The following DDX31 variants were observed in gnomAD, a reference collection of about 807,000 sequenced individuals.
DDX31 encodes the protein DEAD-box helicase 31, also known as ATP-dependent DNA helicase DDX31.
In DDX31, 70 loss-of-function variants were observed where a neutral mutation model predicts 91.3. The ratio of observed to expected loss-of-function variants is 0.77; its 90% CI spans 0.63 to 0.94. DDX31 has a LOEUF of 0.94. DDX31 is among the 40% of genes least tolerant of loss of function. The pLI, the probability that DDX31 is intolerant of heterozygous loss-of-function variation, is 0.00. For missense variants in DDX31, 902 were observed against 925.0 expected (o/e 0.98, Z 0.32); for synonymous variants, 362 against 350.6 (o/e 1.03, Z -0.36).
intron 19 of DDX31, among the ~76,000 whole-genome samples, chr9:132,608,073 C>G (rs1411846182): frequency 6.6e-6 from 1 of 152,188 alleles, no homozygotes; most frequent in Non-Finnish European, 1.5e-5. Flanking sequence ...GATATGTTAC[C>G]TTTGCTTCTC....
At chr9:132,609,653 A>G (rs1831216727) in intron 19 of DDX31, among the ~76,000 whole-genome samples, 1 of 151,804 alleles carries the variant, frequency 6.6e-6, no homozygotes, top group Admixed American at 6.6e-5. Context: ...ACAGCGTCTC[A>G]CTCTGTCGCC....
In DDX31 at chr9:132,620,477, AG is replaced by A. The variant is rs200740510; in HGVS notation, c.1714-2037del. On this transcript the variant is annotated intron_variant, in intron 17 of 19. Transcript: ENST00000372159. ...GAGTGTGTATACAAGCGAAATACGTAGGGAAAAAAAAAACAGGATAGAACTA... is the reference window on the plus strand; with the variant it reads ...GAGTGTGTATACAAGCGAAATACGTAGGAAAAAAAAAACAGGATAGAACTA... Among the ~76,000 whole-genome samples the A allele has an allele frequency of 2.6e-3, 402 of 151,798 alleles. 3 individuals carry two copies. Among genetic ancestry groups the A allele is most frequent in the African/African-American group, 9.2e-3 (382 of 41,334 alleles).
At chr9:132,662,843 C>T (rs1156895739) in intron 1 of DDX31, 148 bp from the exon 2 acceptor site, 1 of 1,151,906 alleles carries the variant, frequency 8.7e-7, no homozygotes, top group East Asian at 2.5e-5. Flanking sequence ...TTAGGGTTTG[C>T]AATCAGACTC....
chr9:132,666,357 AAAAAG>A lies in DDX31; in HGVS notation c.75+3498_75+3502del, dbSNP rs546804858. Reference sequence around the variant, plus strand: ...CTTAATTTTTGATAAGTTAAAAAAAAAAAAGAAAACATCATGTGTAGTGATTCCAA... The same window carrying A: ...CTTAATTTTTGATAAGTTAAAAAAAAAAAACATCATGTGTAGTGATTCCAA... On this transcript the variant is annotated intron_variant, in intron 1 of 19. Coordinates refer to ENST00000372159, the MANE Select transcript of DDX31 (RefSeq NM_022779.9). Among the ~76,000 whole-genome samples the A allele has an allele frequency of 2.6e-3, 396 of 152,304 alleles. 2 individuals are homozygous for A. The highest frequency in any genetic ancestry group is 4.4e-3 in the Non-Finnish European group (297 of 68,024).
At chr9:132,625,033 G>A (rs112825329) in intron 17 of DDX31, among the ~76,000 whole-genome samples, 34 of 152,256 alleles carry the variant, frequency 2.2e-4, no homozygotes, top group African/African-American at 4.3e-4. Flanking sequence ...ACCCACACAC[G>A]GGAATACTGA....
At position 132,661,238 on chromosome 9, in the gene DDX31, T is replaced by C. The variant is rs1477888385; in HGVS notation, c.422A>G (p.Asn141Ser). ...CATACTAGACATTTTTAAGACCGTATTTATTGTGGAAATCTAAAAGAGGAG... is the reference window on the plus strand; with the variant it reads ...CATACTAGACATTTTTAAGACCGTACTTATTGTGGAAATCTAAAAGAGGAG... Reference protein sequence around the residue: ...GLHPHLISTINTVLKMSSMTS... With the variant: ...GLHPHLISTISTVLKMSSMTS... The change falls in exon 4 of 20, where the codon AAT becomes AGT. Residue 141 changes from asparagine to serine, a missense_variant. Coordinates refer to ENST00000372159, the MANE Select transcript of DDX31 (RefSeq NM_022779.9). The C allele has an allele frequency of 1.2e-6, 2 of 1,606,840 alleles. No homozygotes were observed. The highest frequency in any genetic ancestry group is 1.7e-5 in the Admixed American group (1 of 58,332).
chr9:132,605,826 G>A (rs573358596), intron 19 of DDX31, among the ~76,000 whole-genome samples: 58 of 152,288 alleles, frequency 3.8e-4, no homozygotes, highest in Middle Eastern at 3.4e-3. Flanking sequence ...GGGGTTTGTT[G>A]TGGCTTGCTC....
Position 132,612,159 on chromosome 9 carries a change from C to T in DDX31, c.1922G>A (p.Ser641Asn). 6.2e-7 allele frequency: 1 copy of T among 1,614,206 alleles called. No homozygotes were observed. The highest frequency in any genetic ancestry group is 8.5e-7 in the Non-Finnish European group (1 of 1,180,036). Reference sequence around the variant, plus strand: ...CCTGGGGGCATCTCTTAGTCCGAAGCTCTTCGCCACATGCCCAAGGTGGAG... The same window carrying T: ...CCTGGGGGCATCTCTTAGTCCGAAGTTCTTCGCCACATGCCCAAGGTGGAG... ...RSLHLGHVAK[S>N]FGLRDAPRNL... The change falls in exon 19 of 20, where the codon AGC (serine) becomes AAC (asparagine). Residue 641 changes from serine to asparagine, a missense_variant. Coordinates refer to ENST00000372159, the MANE Select transcript of DDX31 (RefSeq NM_022779.9).
At position 132,652,449 on chromosome 9, in the gene DDX31, T is replaced by C; in HGVS notation, c.632A>G (p.Glu211Gly). Reference protein sequence around the residue: ...PYALVLVPTRELALQSFDTVQ... With the variant: ...PYALVLVPTRGLALQSFDTVQ... ...TGTCCCAAAAGGGAGCCTGCTTACC[T>C]CTCTCGTTGGCACGAGCACCAGGGC... The change falls in exon 7 of 20, where the codon GAG (glutamate) becomes GGG (glycine). Residue 211 changes from glutamate to glycine, a missense_variant and splice_region_variant. Physicochemically the swap from Glu to Gly is moderately conservative, Grantham distance 98 (BLOSUM62 -2). Transcript: ENST00000372159. The C allele has an allele frequency of 6.2e-7, 1 of 1,613,860 alleles. No homozygotes were observed. The highest frequency in any genetic ancestry group is 1.1e-5 in the South Asian group (1 of 91,042).
intron 1 of DDX31, among the ~76,000 whole-genome samples, chr9:132,667,091 T>C (rs1590116612): frequency 6.6e-6 from 1 of 151,378 alleles, no homozygotes; most frequent in East Asian, 2.0e-4. Flanking sequence ...TCAAGTGATC[T>C]GCCTGCCTCG....
At chr9:132,618,505 T>C (rs967153184) in intron 17 of DDX31, 64 bp from the exon 18 acceptor site, 1 of 1,391,322 alleles carries the variant, frequency 7.2e-7, no homozygotes, top group African/African-American at 1.4e-5. Flanking sequence ...TGAAGCAGTT[T>C]ATAATAGATT....
intron 19 of DDX31, among the ~76,000 whole-genome samples, chr9:132,604,065 C>G (rs1830870673): frequency 6.6e-6 from 1 of 152,130 alleles, no homozygotes; most frequent in African/African-American, 2.4e-5. Flanking sequence ...AGCACCTGAC[C>G]GTAGAAGGAA....
chr9:132,669,862 G>T lies in DDX31; in HGVS notation c.73C>A (p.Arg25=). 6.3e-7 allele frequency: 1 copy of T among 1,584,094 alleles called. No individual in the cohort carries two copies. ...FSRRPPAQAS[R]QAKATKRKYQ... ...GCTGAAGCCGGGTCAGAACTCACCC[G>T]ACTCGCCTGGGCTGGGGGACGTCTG... Residue 25 remains arginine (R), a splice_region_variant and synonymous_variant, in exon 1 of 20, where the codon CGG becomes AGG. Transcript: ENST00000372159.
At chr9:132,616,702 TC>T (rs1014928163) in intron 18 of DDX31, among the ~76,000 whole-genome samples, 2 of 151,884 alleles carry the variant, frequency 1.3e-5, no homozygotes, top group African/African-American at 4.8e-5. Flanking sequence ...AGAGCAATAC[TC>T]CTCTAGAGGT....
At chr9:132,612,021 T>TAGCA in intron 19 of DDX31, 66 bp downstream of exon 19, 3 of 1,557,298 alleles carry the variant, frequency 1.9e-6, no homozygotes, top group Non-Finnish European at 2.6e-6. Flanking sequence ...GCATGGCAGC[T>TAGCA]AGCACATCAC....
chr9:132,601,168 G>A (rs1830700824), intron 19 of DDX31, among the ~76,000 whole-genome samples: 1 of 152,182 alleles, frequency 6.6e-6, no homozygotes, highest in African/African-American at 2.4e-5. Context: ...TGAACTGGAT[G>A]AAATCATGAG....
intron 14 of DDX31, among the ~76,000 whole-genome samples, chr9:132,636,088 C>T (rs1833097186): frequency 6.6e-6 from 1 of 152,206 alleles, no homozygotes; most frequent in Non-Finnish European, 1.5e-5. Context: ...TGTCTTCACT[C>T]GTAACTGAGA....
chr9:132,623,676 C>T (rs755691695), intron 17 of DDX31, among the ~76,000 whole-genome samples: 4 of 151,890 alleles, frequency 2.6e-5, no homozygotes, highest in Non-Finnish European at 4.4e-5. Flanking sequence ...ACTGCCTCTC[C>T]GAAAAGAAAC....
chr9:132,611,818 T>A (rs972653764), intron 19 of DDX31, among the ~76,000 whole-genome samples: 1 of 151,834 alleles, frequency 6.6e-6, no homozygotes, highest in Non-Finnish European at 1.5e-5. Context: ...GTCATACACA[T>A]CTCGGATGCT....
Sources: allele counts gnomAD v4.1 joint callset (sites outside exome capture counted in the v4.1 genomes callset), GRCh38; gene constraint gnomAD v4.1.1; transcripts MANE v1.5; gene names NCBI Gene and HGNC (gene_info 2026-07-23, HGNC 2026-07-21).